The following AKT1 variants were observed in gnomAD, a reference collection of about 807,000 sequenced individuals.
AKT1 encodes AKT serine/threonine kinase 1.
Under a neutral mutation model 63.1 loss-of-function variants are expected in AKT1, and 21 were observed. That is an observed-to-expected ratio of 0.33 (90% CI 0.24 to 0.48). AKT1 has a LOEUF of 0.48. Among genes scored for constraint, AKT1 ranks in the 20% least tolerant of loss-of-function variants. The pLI is 0.99. For synonymous variants in AKT1, 257 were observed against 253.1 expected (o/e 1.02, Z -0.15); for missense variants, 382 against 666.0 (o/e 0.57, Z 4.69).
At chr14:104,775,492 C>T (rs1892648826) in intron 6 of AKT1, 160 bp downstream of exon 6, 1 of 1,151,152 alleles carries the variant, frequency 8.7e-7, no homozygotes, top group African/African-American at 1.6e-5. Flanking sequence ...GAAGAGGACC[C>T]ACCTGGGAAG....
Position 104,795,643 on chromosome 14 carries a change from T to TCGGTGCC in AKT1, c.-424_-418dup, listed in dbSNP as rs1264260284. On this transcript the variant is annotated 5_prime_UTR_variant, in exon 1 of 15. Transcript: ENST00000649815. The surrounding 1 kb of genome is among the most constrained non-coding windows in gnomAD (Gnocchi z 5.1). The stretch of plus-strand genomic sequence containing the variant: ...GCCGGGCCTCGCGTGCCGCCGCCGC[T>TCGGTGCC]CGGTGCCCGGTGCCCAGCGCTCGGT... 2.8e-5 allele frequency: 4 copies of TCGGTGCC among 143,522 alleles called. No individual in the cohort carries two copies. The highest frequency in any genetic ancestry group is 6.2e-5 in the Non-Finnish European group (4 of 65,002). The allele number at this position is 143,522 out of a possible 1,614,324, so 8.9% of individuals were successfully genotyped here. A position where few individuals can be genotyped will look rare whatever the true frequency, so the allele number is the denominator to read the frequency against.
At chr14:104,779,172 C>T (rs972088010) in intron 4 of AKT1, among the ~76,000 whole-genome samples, 3 of 152,208 alleles carry the variant, frequency 2.0e-5, no homozygotes, top group Non-Finnish European at 2.9e-5. Context: ...CACCTGCCCC[C>T]GCTACAGGTA....
At position 104,773,386 on chromosome 14, in the gene AKT1, GA is replaced by G. The variant is rs754981294; in HGVS notation, c.829-8del. On this transcript the variant is annotated splice_polypyrimidine_tract_variant and splice_region_variant and intron_variant, in intron 10 of 14. Transcript: ENST00000649815. ...CCAGCATGAGGTTCTCCAGCTAGGG[GA>G]AAGGTGGCCTCAGGTCAGTGCCGCC... The G allele has an allele frequency of 6.2e-7, 1 of 1,614,156 alleles. No homozygotes were observed. The highest frequency in any genetic ancestry group is 2.2e-5 in the East Asian group (1 of 44,872).
chr14:104,772,577 G>C lies in AKT1; in HGVS notation c.1173-125C>G, dbSNP rs911805870. 21 of 957,058 alleles carry C rather than the reference G, an allele frequency of 2.2e-5. No homozygotes were observed. In the Admixed American group the frequency reaches 3.6e-4, roughly 17 times the overall value. 59.3% of individuals were successfully genotyped at this position (957,058 alleles called of 1,614,324 possible). ...CGTTCCGGGGCCAGGGAGGGGAGCC[G>C]GTGGTGCAGCGTCCCTGAGCAGCTG... On this transcript the variant is annotated intron_variant, in intron 12 of 14. Transcript: ENST00000649815.
At chr14:104,777,136 C>G (rs1302128044) in intron 4 of AKT1, 2 of 252,228 alleles carry the variant, frequency 7.9e-6, no homozygotes, top group Non-Finnish European at 1.6e-5. Context: ...ATGAGGGGGG[C>G]ACCCCAGAAA....
intron 3 of AKT1, among the ~76,000 whole-genome samples, chr14:104,782,292 C>T (rs1893098450): frequency 1.3e-5 from 2 of 152,268 alleles, no homozygotes; most frequent in Non-Finnish European, 2.9e-5. Context: ...TGCCACTCCC[C>T]GGGACGCTAA....
rs143493410 is a variant in AKT1 at position 104,776,080 on chromosome 14, G to GCC, written c.288-283_288-282dup. 1,051 of 255,778 alleles carry GCC rather than the reference G, an allele frequency of 4.1e-3. 6 individuals carry two copies. Among genetic ancestry groups the GCC allele is most frequent in the Admixed American group, 0.011 (191 of 17,148 alleles). 15.8% of individuals were successfully genotyped at this position (255,778 alleles called of 1,614,324 possible). A position where few individuals can be genotyped will look rare whatever the true frequency, so the allele number is the denominator to read the frequency against. On this transcript the variant is annotated intron_variant, in intron 5 of 14. Coordinates refer to ENST00000649815, the MANE Select transcript of AKT1 (RefSeq NM_001382430.1). ...GGACTCCGCCCCCCAGCAGGACTCC[G>GCC]CCCCCCCCAAGCAGGACTCCGCCTC...
chr14:104,772,555 T>C (rs1229680915), intron 12 of AKT1, 103 bp from the exon 13 acceptor site: 1 of 1,201,778 alleles, frequency 8.3e-7, no homozygotes, highest in Non-Finnish European at 1.2e-6. Flanking sequence ...GACAGGACGT[T>C]CCGGGGCCAG....
intron 3 of AKT1, among the ~76,000 whole-genome samples, chr14:104,780,647 T>A (rs1206641080): frequency 1.3e-5 from 2 of 152,118 alleles, no homozygotes; most frequent in Non-Finnish European, 2.9e-5. Flanking sequence ...CATTCCCCAA[T>A]CAACCAGGGT....
Position 104,787,064 on chromosome 14 carries a change from G to C in AKT1, c.46+5534C>G, listed in dbSNP as rs539575946. Among the ~76,000 whole-genome samples, 3 of 152,254 alleles carry C rather than the reference G, an allele frequency of 2.0e-5. No homozygotes were observed. The South Asian group carries it at 6.2e-4, about 32-fold the overall frequency. Reference sequence around the variant, plus strand: ...TGCAGTCACCGGGCCCGCCTGGGGGGTGTGTGAGCCCAAACACAGCGCCCC... The same window carrying C: ...TGCAGTCACCGGGCCCGCCTGGGGGCTGTGTGAGCCCAAACACAGCGCCCC... On this transcript the variant is annotated intron_variant, in intron 3 of 14. Coordinates refer to ENST00000649815, the MANE Select transcript of AKT1 (RefSeq NM_001382430.1).
At chr14:104,787,804 C>T (rs1893412337) in intron 3 of AKT1, among the ~76,000 whole-genome samples, 1 of 152,248 alleles carries the variant, frequency 6.6e-6, no homozygotes, top group Admixed American at 6.5e-5. Context: ...GAGCTGTCCA[C>T]TCAGGAGCCA....
intron 13 of AKT1, chr14:104,771,132 C>A: frequency 4.8e-6 from 2 of 417,632 alleles, no homozygotes; most frequent in Non-Finnish European, 8.6e-6. Flanking sequence ...CTCTGAGAGA[C>A]CCTCCCTGCT....
chr14:104,787,092 G>A (rs1420097894), intron 3 of AKT1, among the ~76,000 whole-genome samples: 3 of 152,128 alleles, frequency 2.0e-5, no homozygotes, highest in African/African-American at 7.2e-5. Context: ...AGCGCCCCAA[G>A]GATCCCACCC....
intron 14 of AKT1, 124 bp from the exon 15 acceptor site, chr14:104,770,544 T>G (rs1892324887): frequency 9.3e-7 from 1 of 1,079,008 alleles, no homozygotes; most frequent in Non-Finnish European, 1.3e-6. Context: ...GCCAGGAAAC[T>G]GAGACAGGGC....
At chr14:104,790,123 C>T (rs760875353) in intron 3 of AKT1, among the ~76,000 whole-genome samples, 5 of 152,222 alleles carry the variant, frequency 3.3e-5, no homozygotes, top group South Asian at 2.1e-4. Flanking sequence ...CATCACGCCA[C>T]GTGTGGCCAG....
At chr14:104,790,646 A>T (rs1595263108) in intron 3 of AKT1, among the ~76,000 whole-genome samples, 1 of 152,298 alleles carries the variant, frequency 6.6e-6, no homozygotes, top group African/African-American at 2.4e-5. Context: ...CCAAGGGCAT[A>T]TGTCATATCC....
chr14:104,779,810 C>T (rs149603202), intron 4 of AKT1, among the ~76,000 whole-genome samples: 12 of 151,128 alleles, frequency 7.9e-5, no homozygotes, highest in Middle Eastern at 3.4e-3. Flanking sequence ...GCCTCGGCCT[C>T]GGGACTTGGA....
intron 12 of AKT1, 21 bp from the exon 13 acceptor site, chr14:104,772,473 C>T (rs752312937): frequency 6.2e-7 from 1 of 1,612,892 alleles, no homozygotes; most frequent in South Asian, 1.1e-5. Flanking sequence ...GAAACAAGGC[C>T]ACAGTGTCGG....
intron 4 of AKT1, chr14:104,777,687 C>T (rs1184916636): frequency 4.1e-5 from 40 of 986,068 alleles, no homozygotes; most frequent in Non-Finnish European, 4.8e-5. Context: ...AGGCTCTGGC[C>T]CAGCCTGTGC....
Sources: allele counts gnomAD v4.1 joint callset (sites outside exome capture counted in the v4.1 genomes callset), GRCh38; gene constraint gnomAD v4.1.1; non-coding constraint Gnocchi (gnomAD v3.1); transcripts MANE v1.5; gene names NCBI Gene and HGNC (gene_info 2026-07-23, HGNC 2026-07-21).